The following TRMU variants were observed in gnomAD, a reference collection of about 807,000 sequenced individuals.
The protein encoded by TRMU is mitochondrial tRNA-specific 2-thiouridylase 1.
A neutral mutation model predicts 46.9 loss-of-function variants in TRMU; 49 were observed. The observed-to-expected ratio is 1.05, with a 90% confidence interval of 0.83 to 1.33. TRMU has a LOEUF of 1.33. Ranked by LOEUF, TRMU falls within the 40% of genes most tolerant of loss-of-function variation. TRMU has a pLI of 0.00. For missense variants in TRMU, 572 were observed against 532.4 expected (o/e 1.07, Z -0.73); for synonymous variants, 241 against 200.9 (o/e 1.20, Z -1.69).
rs140439244 is a variant in TRMU at position 46,344,379 on chromosome 22, G to A, written c.355+1011G>A. Among the ~76,000 whole-genome samples the A allele has an allele frequency of 4.9e-4, 75 of 152,342 alleles. No individual in the cohort carries two copies. The East Asian group carries it at 0.014, about 28-fold the overall frequency. On this transcript the variant is annotated intron_variant, in intron 3 of 10. Coordinates refer to ENST00000645190, the MANE Select transcript of TRMU (RefSeq NM_018006.5). ...TTAGTTATTCAGGAAAAGAGTGATAGACTGATAGAATGTGAATTGATTTTT... is the reference window on the plus strand; with the variant it reads ...TTAGTTATTCAGGAAAAGAGTGATAAACTGATAGAATGTGAATTGATTTTT...
chr22:46,336,076 GC>G lies in TRMU; in HGVS notation c.82+234del. ...TCCGACTACCTGGGAGCAGTTCCGC[GC>G]CCCTCTCCACCCACGCGCGCCCACC... On this transcript the variant is annotated intron_variant, in intron 1 of 10. Coordinates refer to ENST00000645190, the MANE Select transcript of TRMU (RefSeq NM_018006.5). The surrounding 1 kb of genome is among the most constrained non-coding windows in gnomAD (Gnocchi z 4.1). 1 of 1,383,420 alleles carries G rather than the reference GC, an allele frequency of 7.2e-7. No homozygotes were observed. The highest frequency in any genetic ancestry group is 9.3e-7 in the Non-Finnish European group (1 of 1,072,594). 85.7% of individuals were successfully genotyped at this position (1,383,420 alleles called of 1,614,324 possible). A position where few individuals can be genotyped will look rare whatever the true frequency, so the allele number is the denominator to read the frequency against.
In TRMU at chr22:46,352,179, G is replaced by C. The variant is rs758584023; in HGVS notation, c.705+5G>C. Reference sequence around the variant, plus strand: ...TTTGAACATTTCCTTCTTCAGGTGCGTGCTGCTCTTTGACACAAAGAGATG... The same window carrying C: ...TTTGAACATTTCCTTCTTCAGGTGCCTGCTGCTCTTTGACACAAAGAGATG... On this transcript the variant is annotated splice_donor_5th_base_variant and intron_variant, in intron 6 of 10. Coordinates refer to ENST00000645190, the MANE Select transcript of TRMU (RefSeq NM_018006.5). 6.2e-7 allele frequency: 1 copy of C among 1,614,174 alleles called. No homozygotes were observed. Among genetic ancestry groups the C allele is most frequent in the South Asian group, 1.1e-5 (1 of 91,088 alleles).
At chr22:46,344,117 T>A (rs1203652677) in intron 3 of TRMU, among the ~76,000 whole-genome samples, 1 of 152,214 alleles carries the variant, frequency 6.6e-6, no homozygotes, top group South Asian at 2.1e-4. Flanking sequence ...ATGCAAAGTT[T>A]GCTAACTAGG....
At chr22:46,356,455 G>T (rs2078611701) in intron 10 of TRMU, 1 of 417,434 alleles carries the variant, frequency 2.4e-6, no homozygotes, top group African/African-American at 2.0e-5. Flanking sequence ...TAGGCCTGAG[G>T]AATCTCCAGG....
rs1213268269 is a variant in TRMU at position 46,357,063 on chromosome 22, G to C, written c.*57G>C. The C allele has an allele frequency of 7.5e-6, 12 of 1,607,914 alleles. No homozygotes were observed. Among genetic ancestry groups the C allele is most frequent in the Non-Finnish European group, 9.3e-6 (11 of 1,177,320 alleles). On this transcript the variant is annotated 3_prime_UTR_variant, in exon 11 of 11. Transcript: ENST00000645190. ...AGCAGGACCCATGGCTGGGCGGCTG[G>C]TGAGCAGTCCAGGTGCCCAAGGGCC...
At chr22:46,353,629 G>C in intron 7 of TRMU, 138 bp from the exon 8 acceptor site, 1 of 763,800 alleles carries the variant, frequency 1.3e-6, no homozygotes, top group Non-Finnish European at 2.3e-6. Flanking sequence ...GGTGGTTGGA[G>C]AATCGTATCT....
rs563214725 is a variant in TRMU at position 46,351,658 on chromosome 22, G to A, written c.652-463G>A. The stretch of plus-strand genomic sequence containing the variant: ...CAGCCCCTGATGGGGCCACGGTGGA[G>A]AGCGCACGCCACCCAGGCTCCCCAG... On this transcript the variant is annotated intron_variant, in intron 5 of 10. Coordinates refer to ENST00000645190, the MANE Select transcript of TRMU (RefSeq NM_018006.5). This position sits in a 1 kb window ranked among gnomAD's most constrained non-coding sequence, Gnocchi z 6.4. 7.1e-6 allele frequency: 2 copies of A among 283,536 alleles called. No homozygotes were observed. The highest frequency in any genetic ancestry group is 2.2e-5 in the African/African-American group (1 of 45,914). 17.6% of individuals were successfully genotyped at this position (283,536 alleles called of 1,614,324 possible).
At chr22:46,343,470 C>A in intron 3 of TRMU, 102 bp downstream of exon 3, 1 of 863,552 alleles carries the variant, frequency 1.2e-6, no homozygotes, top group Non-Finnish European at 1.9e-6. Flanking sequence ...ACTGCAGCCT[C>A]GACCTCCTGG....
Position 46,339,447 on chromosome 22 carries a change from CCTG to C in TRMU, c.248+1506_248+1508del, listed in dbSNP as rs2078064553. ...TTACAGGCGTGAGCCACCACGCCAG[CCTG>C]CTATTTTTATTTTCATTATTAAAAA... On this transcript the variant is annotated intron_variant, in intron 2 of 10. Transcript: ENST00000645190. This position sits in a 1 kb window ranked among gnomAD's most constrained non-coding sequence, Gnocchi z 4.8. Among the ~76,000 whole-genome samples, 1 of 152,144 alleles carries C rather than the reference CCTG, an allele frequency of 6.6e-6. No individual in the cohort carries two copies.
rs940175985 is a variant in TRMU at position 46,342,414 on chromosome 22, G to A, written c.249-848G>A. ...GACCACCCTCCAGGAGCCTCCACAAGTGTAGCTGTGCAGAAGCTCTCTGAA... is the reference window on the plus strand; with the variant it reads ...GACCACCCTCCAGGAGCCTCCACAAATGTAGCTGTGCAGAAGCTCTCTGAA... On this transcript the variant is annotated intron_variant, in intron 2 of 10. Transcript: ENST00000645190. The surrounding 1 kb of genome is among the most constrained non-coding windows in gnomAD (Gnocchi z 4.7). Among the ~76,000 whole-genome samples, 1 of 152,244 alleles carries A rather than the reference G, an allele frequency of 6.6e-6. No homozygotes were observed. Among genetic ancestry groups the A allele is most frequent in the African/African-American group, 2.4e-5 (1 of 41,472 alleles).
At chr22:46,335,889 C>T in intron 1 of TRMU, 43 bp downstream of exon 1, 3 of 1,530,486 alleles carry the variant, frequency 2.0e-6, no homozygotes, top group South Asian at 1.2e-5. Context: ...GCGAATGTGT[C>T]CCCGGAAACC....
At chr22:46,345,979 G>A (rs2078245285) in intron 3 of TRMU, among the ~76,000 whole-genome samples, 1 of 151,964 alleles carries the variant, frequency 6.6e-6, no homozygotes, top group Non-Finnish European at 1.5e-5. Context: ...TGTTGCCCAG[G>A]CTGGTCTTGA....
chr22:46,355,676 G>A, intron 9 of TRMU, 88 bp downstream of exon 9: 3 of 1,596,042 alleles, frequency 1.9e-6, no homozygotes, highest in Non-Finnish European at 2.6e-6. Flanking sequence ...AGACCCTGGG[G>A]TAGGAAAGTC....
chr22:46,338,189 A>T lies in TRMU; in HGVS notation c.248+245A>T, dbSNP rs574253824. 1 of 502,490 alleles carries T rather than the reference A, an allele frequency of 2.0e-6. No individual in the cohort carries two copies. Among genetic ancestry groups the T allele is most frequent in the African/African-American group, 1.9e-5 (1 of 51,812 alleles). The allele number at this position is 502,490 out of a possible 1,614,324, so 31.1% of individuals were successfully genotyped here. On this transcript the variant is annotated intron_variant, in intron 2 of 10. Coordinates refer to ENST00000645190, the MANE Select transcript of TRMU (RefSeq NM_018006.5). The surrounding 1 kb of genome is among the most constrained non-coding windows in gnomAD (Gnocchi z 4.5). ...TTGCCACTTGCCTGAAGTCTCTTTA[A>T]TGCTTTCTTGGACCTTGAGCTGTTT... is the stretch of plus-strand genomic sequence containing the variant.
Position 46,348,079 on chromosome 22 carries a change from A to G in TRMU, c.478+1535A>G, listed in dbSNP as rs544323288. Among the ~76,000 whole-genome samples the G allele has an allele frequency of 3.8e-4, 57 of 151,732 alleles. No homozygotes were observed. The South Asian group carries it at 0.011, about 29-fold the overall frequency. On this transcript the variant is annotated intron_variant, in intron 4 of 10. Coordinates refer to ENST00000645190, the MANE Select transcript of TRMU (RefSeq NM_018006.5). This position sits in a 1 kb window ranked among gnomAD's most constrained non-coding sequence, Gnocchi z 4.8. ...GAAGACATGGGTTTGAATGCAGATA[A>G]GACAGCCCCCCATTTCAGGAAGACA...
intron 9 of TRMU, 89 bp from the exon 10 acceptor site, chr22:46,355,901 C>T: frequency 4.1e-6 from 6 of 1,460,356 alleles, no homozygotes; most frequent in Non-Finnish European, 5.6e-6. Flanking sequence ...GTTTTTGACC[C>T]CGTGGGCTGG....
intron 7 of TRMU, chr22:46,353,059 G>A (rs2078483789): frequency 6.2e-6 from 1 of 162,276 alleles, no homozygotes; most frequent in Non-Finnish European, 1.4e-5. Flanking sequence ...CACCTCTTGT[G>A]GAGGGGAGAC....
chr22:46,356,691 C>T (rs1000737611), intron 10 of TRMU, 151 bp from the exon 11 acceptor site: 4 of 897,394 alleles, frequency 4.5e-6, no homozygotes, highest in Non-Finnish European at 3.4e-6. Context: ...TCCTGTTCAG[C>T]AGCAGCAGCA....
intron 9 of TRMU, 144 bp from the exon 10 acceptor site, chr22:46,355,846 G>T: frequency 9.3e-7 from 1 of 1,071,430 alleles, no homozygotes; most frequent in Non-Finnish European, 1.4e-6. Flanking sequence ...GTCCTGCTGC[G>T]TCCAGGGCCC....
Sources: gnomAD v4.1 joint callset for allele counts (sites outside exome capture counted in the v4.1 genomes callset) on GRCh38, gnomAD v4.1.1 for gene constraint, Gnocchi (gnomAD v3.1) non-coding constraint, MANE v1.5 for transcripts, NCBI Gene and HGNC (gene_info 2026-07-23, HGNC 2026-07-21) for gene names.